SHC4: variants seen among roughly 807,000 people sequenced by gnomAD.
The protein encoded by SHC4 is SHC adaptor protein 4, also known as SHC-transforming protein 4.
A neutral mutation model predicts 69.4 loss-of-function variants in SHC4; 41 were observed. That is an observed-to-expected ratio of 0.59 (90% CI 0.46 to 0.77). The LOEUF (loss-of-function observed/expected upper bound fraction) is 0.77, where lower values mean the gene tolerates loss of function less well. Ranked by LOEUF, SHC4 falls within the 30% of genes least tolerant of loss-of-function variation. The pLI is 0.00. For missense variants in SHC4, 777 were observed against 783.8 expected, an observed-to-expected ratio of 0.99 and a Z score of 0.10; for synonymous variants, 318 against 299.3, an observed-to-expected ratio of 1.06 and a Z score of -0.64.
intron 4 of SHC4, chr15:48,878,927 AAAAG>A (rs1030142831): frequency 3.9e-6 from 2 of 511,022 alleles, no homozygotes; most frequent in Non-Finnish European, 7.0e-6. Context: ...TCATTAAAGA[AAAAG>A]AAAAAAGATT....
At chr15:48,949,331 A>G (rs969902038) in intron 1 of SHC4, among the ~76,000 whole-genome samples, 23 of 150,756 alleles carry the variant, frequency 1.5e-4, no homozygotes, top group Non-Finnish European at 7.4e-5. Flanking sequence ...AGATCATGCC[A>G]CTGCACTCCA....
intron 2 of SHC4, among the ~76,000 whole-genome samples, chr15:48,902,561 C>G (rs1211874476): frequency 3.3e-5 from 5 of 152,156 alleles, no homozygotes; most frequent in Admixed American, 3.3e-4. Flanking sequence ...CTGGGATGCT[C>G]ACTTCTCATG....
rs551457144 is a variant in SHC4, at chr15:48,958,780, C to T, written c.585+3651G>A. ...TGATGGATGAATGGACTTGGAAAGG[C>T]CTCTAAAGAAAGGAGACTCAGTCTT... On this transcript the variant is annotated intron_variant, in intron 1 of 11. Coordinates refer to ENST00000332408, the MANE Select transcript of SHC4 (RefSeq NM_203349.4). Among the ~76,000 whole-genome samples the T allele has an allele frequency of 9.8e-5, 15 of 152,328 alleles. No individual in the cohort carries two copies. In the East Asian group the frequency reaches 2.3e-3, roughly 24 times the overall value.
intron 2 of SHC4, among the ~76,000 whole-genome samples, chr15:48,901,068 A>G (rs1900311377): frequency 6.6e-6 from 1 of 152,264 alleles, no homozygotes; most frequent in Non-Finnish European, 1.5e-5. Flanking sequence ...ACTTATGGAC[A>G]CTGAAATTTG....
chr15:48,832,572 A>C (rs12903856), intron 11 of SHC4, among the ~76,000 whole-genome samples: 124,347 of 152,056 alleles, frequency 0.82, 51,612 homozygotes, highest in East Asian at 1. Context: ...CATTCTCATC[A>C]CTTACTTGGG....
rs116026992 is a variant in SHC4, at chr15:48,926,267, A to G, written c.586-1318T>C. Among the ~76,000 whole-genome samples, 600 of 152,186 alleles carry G rather than the reference A, an allele frequency of 3.9e-3. 4 individuals are homozygous for G. Among genetic ancestry groups the G allele is most frequent in the African/African-American group, 0.014 (580 of 41,514 alleles). ...AGTGCTTCTTTGAGAATTGCCTTAG[A>G]AATGTTACTAGAGCTAAGAGGTCCA... is the stretch of plus-strand genomic sequence containing the variant. On this transcript the variant is annotated intron_variant, in intron 1 of 11. Coordinates refer to ENST00000332408, the MANE Select transcript of SHC4 (RefSeq NM_203349.4).
chr15:48,959,386 G>T (rs147487928), intron 1 of SHC4, among the ~76,000 whole-genome samples: 39 of 152,308 alleles, frequency 2.6e-4, no homozygotes, highest in African/African-American at 8.7e-4. Context: ...CTGATGCTTA[G>T]AACTGATTCA....
chr15:48,921,330 CG>C (rs1326988120), intron 2 of SHC4, among the ~76,000 whole-genome samples: 3 of 133,910 alleles, frequency 2.2e-5, no homozygotes, highest in Non-Finnish European at 4.9e-5. Flanking sequence ...GGGAAGTTAT[CG>C]TTTTTTTTTT....
intron 4 of SHC4, chr15:48,876,799 C>G: frequency 2.6e-6 from 1 of 390,256 alleles, no homozygotes; most frequent in South Asian, 3.7e-5. Flanking sequence ...CTTTCGCAGC[C>G]CACTGACTCA....
intron 2 of SHC4, among the ~76,000 whole-genome samples, chr15:48,899,120 T>G (rs1900273787): frequency 6.6e-6 from 1 of 151,516 alleles, no homozygotes; most frequent in Middle Eastern, 3.5e-3. Context: ...CTCTAAGCAA[T>G]GTATATCTAC....
intron 2 of SHC4, among the ~76,000 whole-genome samples, chr15:48,919,132 A>C (rs1238781822): frequency 6.6e-6 from 1 of 152,014 alleles, no homozygotes; most frequent in African/African-American, 2.4e-5. Flanking sequence ...GGTGGCTGGA[A>C]TCTCCAGACT....
chr15:48,928,471 A>G (rs1255521749), intron 1 of SHC4, among the ~76,000 whole-genome samples: 1 of 152,026 alleles, frequency 6.6e-6, no homozygotes, highest in East Asian at 1.9e-4. Context: ...ACAAACGGAA[A>G]CAGCTGGAAC....
chr15:48,825,138 A>C lies in SHC4; in HGVS notation c.*833T>G, dbSNP rs1399293420. On this transcript the variant is annotated 3_prime_UTR_variant, in exon 12 of 12. Transcript: ENST00000332408. ...TGTTTGCCCTCTTTTAAATCCATGC[A>C]CTCATGAGGTTTTTTTTGTTTTTTT... 6.6e-6 allele frequency: 1 copy of C among 151,828 alleles called. No individual in the cohort carries two copies. Among genetic ancestry groups the C allele is most frequent in the Non-Finnish European group, 1.5e-5 (1 of 67,948 alleles). The allele number at this position is 151,828 out of a possible 1,614,324, so 9.4% of individuals were successfully genotyped here.
chr15:48,859,455 T>C (rs986861379), intron 6 of SHC4, among the ~76,000 whole-genome samples: 1 of 152,170 alleles, frequency 6.6e-6, no homozygotes, highest in South Asian at 2.1e-4. Context: ...ACTTAGGAGC[T>C]AATTCCGGTT....
At chr15:48,848,019 A>C (rs994590850) in intron 9 of SHC4, among the ~76,000 whole-genome samples, 4 of 148,314 alleles carry the variant, frequency 2.7e-5, no homozygotes, top group South Asian at 2.1e-4. Context: ...AAAAAAAAAC[A>C]AAAAAAACAA....
chr15:48,910,702 G>A (rs1250313317), intron 2 of SHC4, among the ~76,000 whole-genome samples: 1 of 151,980 alleles, frequency 6.6e-6, no homozygotes, highest in Non-Finnish European at 1.5e-5. Context: ...AGACATTTAT[G>A]GCTATGAACT....
intron 2 of SHC4, among the ~76,000 whole-genome samples, chr15:48,893,559 C>T (rs1189780129): frequency 6.6e-6 from 1 of 151,998 alleles, no homozygotes; most frequent in African/African-American, 2.4e-5. Context: ...CCCCTGGATC[C>T]GATAATTCAC....
rs1486631631 is a variant in SHC4 at position 48,866,494 on chromosome 15, C to G, written c.946+1324G>C. ...TCATTTCTGACAATCACAATAGCTT[C>G]CAAATGGATATCCCTGCCTTAAGTT... On this transcript the variant is annotated intron_variant, in intron 6 of 11. Transcript: ENST00000332408. Among the ~76,000 whole-genome samples the G allele has an allele frequency of 3.3e-5, 5 of 152,146 alleles. No individual in the cohort carries two copies. The East Asian group carries it at 7.7e-4, about 23-fold the overall frequency.
intron 4 of SHC4, among the ~76,000 whole-genome samples, chr15:48,883,183 A>C (rs1477071637): frequency 4.6e-5 from 7 of 152,220 alleles, no homozygotes; most frequent in African/African-American, 1.7e-4. Context: ...AGAATATTTG[A>C]GTAAATAATA....
Sources: gnomAD v4.1 joint callset for allele counts (sites outside exome capture counted in the v4.1 genomes callset) on GRCh38, gnomAD v4.1.1 for gene constraint, MANE v1.5 for transcripts, NCBI Gene and HGNC (gene_info 2026-07-23, HGNC 2026-07-21) for gene names.